The following COL9A2 variants were observed in gnomAD, a reference collection of about 807,000 sequenced individuals.
COL9A2 encodes collagen type IX alpha 2 chain.
A neutral mutation model predicts 111.6 loss-of-function variants in COL9A2; 66 were observed. The ratio of observed to expected loss-of-function variants is 0.59; its 90% confidence interval spans 0.48 to 0.73. The LOEUF is 0.73. COL9A2 is among the 30% of genes least tolerant of loss of function. The probability of loss-of-function intolerance (pLI) is 0.00; values close to 1 mark genes in which losing one functional copy is unlikely to be tolerated. For missense variants in COL9A2, 881 were observed against 954.1 expected (o/e 0.92, Z 1.01); for synonymous variants, 353 against 364.1 (o/e 0.97, Z 0.35).
At position 40,314,186 on chromosome 1, in the gene COL9A2, C is replaced by T. The variant is rs117844512; in HGVS notation, c.249+19G>A. ...TTGGCAGAGCCCTACCCTGCCCCAC[C>T]CGACACTCAGCTACTCACATCAATC... On this transcript the variant is annotated intron_variant, in intron 4 of 31. Coordinates refer to ENST00000372748, the MANE Select transcript of COL9A2 (RefSeq NM_001852.4). The surrounding 1 kb of genome is among the most constrained non-coding windows in gnomAD (Gnocchi z 4.1). 3.4e-4 allele frequency: 546 copies of T among 1,614,072 alleles called. 4 individuals are homozygous for T. In the East Asian group the frequency reaches 0.011, roughly 31 times the overall value.
rs1644028398 is a variant in COL9A2, at chr1:40,306,254, C to T, written c.1009-67G>A. On this transcript the variant is annotated intron_variant, in intron 19 of 31. Coordinates refer to ENST00000372748, the MANE Select transcript of COL9A2 (RefSeq NM_001852.4). Reference sequence around the variant, plus strand: ...GGAGCCCCATGCACCTGCTGCTTTGCTTCCCATCCCCAATCCAGATTTCCC... The same window carrying T: ...GGAGCCCCATGCACCTGCTGCTTTGTTTCCCATCCCCAATCCAGATTTCCC... 1.9e-6 allele frequency: 3 copies of T among 1,563,034 alleles called. No individual in the cohort carries two copies. The Admixed American group carries it at 5.0e-5, about 26-fold the overall frequency.
In COL9A2 at chr1:40,302,819, G is replaced by GGGAT; in HGVS notation, c.1604-11_1604-10insATCC. The GGGAT allele has an allele frequency of 6.6e-7, 1 of 1,505,946 alleles. No individual in the cohort carries two copies. The highest frequency in any genetic ancestry group is 8.8e-7 in the Non-Finnish European group (1 of 1,132,218). 93.3% of individuals were successfully genotyped at this position (1,505,946 alleles called of 1,614,324 possible). A position where few individuals can be genotyped will look rare whatever the true frequency, so the allele number is the denominator to read the frequency against. ...ACCTCTGCCAGTTGCTCTGGAGGGA[G>GGGAT]GGAGGGAGGGAGGGAGAGGGAAGTC... On this transcript the variant is annotated splice_polypyrimidine_tract_variant and intron_variant, in intron 29 of 31. Coordinates refer to ENST00000372748, the MANE Select transcript of COL9A2 (RefSeq NM_001852.4). This position sits in a 1 kb window ranked among gnomAD's most constrained non-coding sequence, Gnocchi z 4.5.
At position 40,311,541 on chromosome 1, in the gene COL9A2, G is replaced by C. The variant is rs1644127182; in HGVS notation, c.478C>G (p.Pro160Ala). The C allele has an allele frequency of 1.2e-6, 2 of 1,613,788 alleles. No individual in the cohort carries two copies. ...PPGPPGKPGR[P>A]GTIQGLEGSA... is the part of the protein sequence containing the mutation. The stretch of plus-strand genomic sequence containing the variant: ...CCTTCCAGACCCTGGATGGTTCCCG[G>C]GCGACCCTGAGAGGAGACATGAAGA... Residue 160 changes from proline (P) to alanine (A), a missense_variant, in exon 10 of 32, where the codon CCG (proline) becomes GCG (alanine). Pro to Ala is a conservative substitution (Grantham distance 27, BLOSUM62 -1). Transcript: ENST00000372748. This position sits in a 1 kb window ranked among gnomAD's most constrained non-coding sequence, Gnocchi z 5.1.
rs757569443 is a variant in COL9A2, at chr1:40,312,735, A to T, written c.299T>A (p.Val100Asp). The T allele has an allele frequency of 1.9e-6, 3 of 1,554,622 alleles. No homozygotes were observed. The highest frequency in any genetic ancestry group is 2.6e-6 in the Non-Finnish European group (3 of 1,148,468). Residue 100 changes from valine (V) to aspartate (D), a missense_variant, in exon 5 of 32, where the codon GTC becomes GAC. Val to Asp is a radical substitution (Grantham distance 152, BLOSUM62 -3). Coordinates refer to ENST00000372748, the MANE Select transcript of COL9A2 (RefSeq NM_001852.4). The surrounding 1 kb of genome is among the most constrained non-coding windows in gnomAD (Gnocchi z 6.0). ...AGGCCCCAGCAGGCCCCTTACCTTGACTCCAGGGATCCCCATGGGGCCAGG... is the reference window on the plus strand; with the variant it reads ...AGGCCCCAGCAGGCCCCTTACCTTGTCTCCAGGGATCCCCATGGGGCCAGG... ...GEPGPMGIPG[V>D]KGQPGLPGPP...
chr1:40,306,619 AC>A (rs905257622), intron 19 of COL9A2, among the ~76,000 whole-genome samples: 82 of 149,398 alleles, frequency 5.5e-4, no homozygotes, highest in African/African-American at 1.7e-3. Flanking sequence ...GGCATTTCAA[AC>A]AGAGGGACCA....
rs1194992780 is a variant in COL9A2 at position 40,312,472 on chromosome 1, C to T, written c.347G>A (p.Gly116Asp). ...LPGPPGLPGP[G>D]FAGPPGPPGP... ...AGGACTTACAGGAGGTCCAGCAAAACCAGGGCCCTGGAACAGAAAGAAAGA... is the reference window on the plus strand; with the variant it reads ...AGGACTTACAGGAGGTCCAGCAAAATCAGGGCCCTGGAACAGAAAGAAAGA... Residue 116 changes from glycine to aspartate, a missense_variant, in exon 7 of 32, where the codon GGT (glycine) becomes GAT (aspartate). Physicochemically the swap from Gly to Asp is moderately conservative, Grantham distance 94 (BLOSUM62 -1). Transcript: ENST00000372748. This position sits in a 1 kb window ranked among gnomAD's most constrained non-coding sequence, Gnocchi z 6.0. 1.2e-6 allele frequency: 2 copies of T among 1,613,710 alleles called. No individual in the cohort carries two copies. The highest frequency in any genetic ancestry group is 1.7e-6 in the Non-Finnish European group (2 of 1,179,884).
chr1:40,315,696 C>T (rs1190997610), intron 1 of COL9A2, 32 bp from the exon 2 acceptor site: 1 of 1,512,430 alleles, frequency 6.6e-7, no homozygotes, highest in Admixed American at 2.1e-5. Context: ...GGGCAGTCCT[C>T]AGACAGTGCA....
intron 2 of COL9A2, chr1:40,315,200 A>G: frequency 9.6e-7 from 1 of 1,043,132 alleles, no homozygotes; most frequent in Non-Finnish European, 1.2e-6. Flanking sequence ...AGTCTGGCCC[A>G]AGCTGGTCGG....
At chr1:40,304,446 C>T (rs1340627639) in intron 23 of COL9A2, 30 bp downstream of exon 23, 5 of 1,613,874 alleles carry the variant, frequency 3.1e-6, no homozygotes, top group Non-Finnish European at 4.2e-6. Flanking sequence ...GGATATGACG[C>T]CCTGCCCACC....
In COL9A2 at chr1:40,302,421, C is replaced by T. The variant is rs1032250447; in HGVS notation, c.1792+200G>A. Among the ~76,000 whole-genome samples, 7 of 152,190 alleles carry T rather than the reference C, an allele frequency of 4.6e-5. No individual in the cohort carries two copies. The South Asian group carries it at 6.2e-4, about 13-fold the overall frequency. ...ACTAAGCACATTCAAAAACAAACCC[C>T]AGAAACCCCGAGTGATAACATAGTA... On this transcript the variant is annotated intron_variant, in intron 30 of 31. Transcript: ENST00000372748. The surrounding 1 kb of genome is among the most constrained non-coding windows in gnomAD (Gnocchi z 4.5).
In COL9A2 at chr1:40,304,584, C is replaced by T. The variant is rs928857736; in HGVS notation, c.1162-55G>A. The T allele has an allele frequency of 3.7e-6, 6 of 1,600,666 alleles. No individual in the cohort carries two copies. In the African/African-American group the frequency reaches 5.4e-5, roughly 14 times the overall value. On this transcript the variant is annotated intron_variant, in intron 22 of 31. Transcript: ENST00000372748. ...AGCAGCTCTCAGCAGGGGTAGCCTC[C>T]CGCACCGAGGCCTGGCACCGCATGG...
Position 40,301,204 on chromosome 1 carries a change from G to C in COL9A2, c.2048C>G (p.Pro683Arg), listed in dbSNP as rs1476528021. The change falls in exon 32 of 32, where the codon CCT (proline) becomes CGT (arginine). Residue 683 changes from proline to arginine, a missense_variant. Physicochemically the swap from Pro to Arg is moderately radical, Grantham distance 103. Coordinates refer to ENST00000372748, the MANE Select transcript of COL9A2 (RefSeq NM_001852.4). ...SAYASARLTE[P>R]GSIKGP ...TGCTCAAGGCCCCTTGATGGATCCA[G>C]GCTCTGTAAGGCGGGCAGAGGCATA... The C allele has an allele frequency of 1.2e-6, 2 of 1,613,864 alleles. No individual in the cohort carries two copies. The highest frequency in any genetic ancestry group is 4.5e-5 in the East Asian group (2 of 44,856).
Position 40,309,994 on chromosome 1 carries a change from G to A in COL9A2, c.793-3C>T. 1 of 1,614,106 alleles carries A rather than the reference G, an allele frequency of 6.2e-7. No homozygotes were observed. Among genetic ancestry groups the A allele is most frequent in the Non-Finnish European group, 8.5e-7 (1 of 1,180,008 alleles). ...GGTCCCCTAGGACCTTCCTCACCCT[G>A]GCAAGAAAGACAAGCAGGAATCCAG... On this transcript the variant is annotated splice_region_variant and splice_polypyrimidine_tract_variant and intron_variant, in intron 15 of 31. Coordinates refer to ENST00000372748, the MANE Select transcript of COL9A2 (RefSeq NM_001852.4).
Position 40,302,954 on chromosome 1 carries a change from G to C in COL9A2, c.1604-145C>G, listed in dbSNP as rs1018478651. 5.4e-6 allele frequency: 6 copies of C among 1,104,826 alleles called. No individual in the cohort carries two copies. The African/African-American group carries it at 9.3e-5, about 17-fold the overall frequency. The allele number at this position is 1,104,826 out of a possible 1,614,324, so 68.4% of individuals were successfully genotyped here. A position where few individuals can be genotyped will look rare whatever the true frequency, so the allele number is the denominator to read the frequency against. ...CCACCTTCCGTGGGCTCTGTTTTGC[G>C]GAAGTCAAAGGCCCAGAGTGACTTA... On this transcript the variant is annotated intron_variant, in intron 29 of 31. Coordinates refer to ENST00000372748, the MANE Select transcript of COL9A2 (RefSeq NM_001852.4). This position sits in a 1 kb window ranked among gnomAD's most constrained non-coding sequence, Gnocchi z 4.5.
At position 40,311,445 on chromosome 1, in the gene COL9A2, C is replaced by CCAAAA; in HGVS notation, c.519+54_519+55insTTTTG. On this transcript the variant is annotated intron_variant, in intron 10 of 31. Coordinates refer to ENST00000372748, the MANE Select transcript of COL9A2 (RefSeq NM_001852.4). This position sits in a 1 kb window ranked among gnomAD's most constrained non-coding sequence, Gnocchi z 5.1. ...CCCCATCTCCGTGGCCCCGCCTCCC[C>CCAAAA]ATCTCTGTGGCCCCGCCCCCCTGTG... 2 of 1,555,408 alleles carry CCAAAA rather than the reference C, an allele frequency of 1.3e-6. No individual in the cohort carries two copies. The highest frequency in any genetic ancestry group is 1.8e-6 in the Non-Finnish European group (2 of 1,128,610).
Position 40,311,056 on chromosome 1 carries a change from G to C in COL9A2, c.630+37C>G. The C allele has an allele frequency of 6.2e-7, 1 of 1,611,812 alleles. No individual in the cohort carries two copies. The highest frequency in any genetic ancestry group is 8.5e-7 in the Non-Finnish European group (1 of 1,178,326). On this transcript the variant is annotated intron_variant, in intron 12 of 31. Coordinates refer to ENST00000372748, the MANE Select transcript of COL9A2 (RefSeq NM_001852.4). The surrounding 1 kb of genome is among the most constrained non-coding windows in gnomAD (Gnocchi z 5.1). Reference sequence around the variant, plus strand: ...CAGAGCCCTGTAGGACCATCTCCACGTATCCCTGACCCACAGCCCTCAGCC... The same window carrying C: ...CAGAGCCCTGTAGGACCATCTCCACCTATCCCTGACCCACAGCCCTCAGCC...
chr1:40,301,688 A>G, intron 31 of COL9A2, 124 bp downstream of exon 31: 1 of 941,474 alleles, frequency 1.1e-6, no homozygotes, highest in Non-Finnish European at 1.6e-6. Context: ...AGGGGTGCAG[A>G]AGCTGGGTAT....
rs1983658 is a variant in COL9A2, at chr1:40,312,705, C to T, written c.303+26G>A. On this transcript the variant is annotated intron_variant, in intron 5 of 31. Transcript: ENST00000372748. The surrounding 1 kb of genome is among the most constrained non-coding windows in gnomAD (Gnocchi z 6.0). ...CCAAACGCTGGCCCTAGATTGCCCA[C>T]GCTGAGGCCCCAGCAGGCCCCTTAC... is the stretch of plus-strand genomic sequence containing the variant. 378,667 of 1,566,894 alleles carry T rather than the reference C, an allele frequency of 0.24. 52,197 individuals are homozygous for T. The highest frequency in any genetic ancestry group is 0.69 in the East Asian group (29,244 of 42,334).
chr1:40,311,169 A>G lies in COL9A2; in HGVS notation c.577-23T>C, dbSNP rs750686622. 1.9e-6 allele frequency: 3 copies of G among 1,614,092 alleles called. No individual in the cohort carries two copies. The highest frequency in any genetic ancestry group is 2.2e-5 in the East Asian group (1 of 44,892). ...CCCCTGAAGGGAAGGAGAGAGCTCA[A>G]TACGAGGTCCCCTCCTGTCACCTGC... On this transcript the variant is annotated intron_variant, in intron 11 of 31. Transcript: ENST00000372748. This position sits in a 1 kb window ranked among gnomAD's most constrained non-coding sequence, Gnocchi z 5.1.
Sources: allele counts gnomAD v4.1 joint callset (sites outside exome capture counted in the v4.1 genomes callset), GRCh38; gene constraint gnomAD v4.1.1; non-coding constraint Gnocchi (gnomAD v3.1); transcripts MANE v1.5; gene names NCBI Gene and HGNC (gene_info 2026-07-23, HGNC 2026-07-21).